MRPS10: variants seen among roughly 807,000 people sequenced by gnomAD.
MRPS10 encodes the protein small ribosomal subunit protein uS10m.
MRPS10 carries 23 observed loss-of-function variants against 27.5 expected under a neutral mutation model. The observed-to-expected ratio is 0.84, with a 90% CI of 0.60 to 1.18. The LOEUF (loss-of-function observed/expected upper bound fraction) is 1.18, where lower values mean the gene tolerates loss of function less well. MRPS10 is among the 50% of genes most tolerant of loss of function. The pLI is 0.00. For missense variants in MRPS10, 237 were observed against 240.1 expected (o/e 0.99, Z 0.09); for synonymous variants, 88 against 84.2 (o/e 1.04, Z -0.25).
chr6:42,217,216 T>C (rs113767052), intron 1 of MRPS10, among the ~76,000 whole-genome samples: 2,343 of 152,266 alleles, frequency 0.015, 57 homozygotes, highest in African/African-American at 0.051. Flanking sequence ...AAGCTAAATA[T>C]AGATAGCAAA....
intron 3 of MRPS10, 66 bp downstream of exon 3, chr6:42,214,054 A>T: frequency 7.2e-7 from 1 of 1,389,700 alleles, no homozygotes; most frequent in Non-Finnish European, 9.9e-7. Flanking sequence ...AAAAAAACCC[A>T]ATGAAATAAT....
intron 1 of MRPS10, among the ~76,000 whole-genome samples, chr6:42,216,385 A>AGAGTGTGTGTGTGTGTGTGTGTGT: frequency 1.5e-4 from 9 of 58,690 alleles, no homozygotes; most frequent in African/African-American, 4.0e-4. Context: ...AGAGAGAGAG[A>AGAGTGTGTGTGTGTGTGTGTGTGT]GTGTGTGTGT....
chr6:42,209,179 G>T (rs1582346929), intron 5 of MRPS10, among the ~76,000 whole-genome samples: 1 of 148,396 alleles, frequency 6.7e-6, no homozygotes. Context: ...TGTATTTTTA[G>T]TAGAGACGGG....
Position 42,214,321 on chromosome 6 carries a change from G to A in MRPS10, c.72C>T (p.Asn24=), listed in dbSNP as rs766212535. The change falls in exon 2 of 7, where the codon AAC becomes AAT. Residue 24 remains asparagine, a synonymous_variant. Transcript: ENST00000053468. The stretch of plus-strand genomic sequence containing the variant: ...TTTTGGCTGTATTGCCCTTAGAAGT[G>A]TTTACAGAAAAATTCCCCAATCCCT... ...LWQGLGNFSV[N]TSKGNTAKNG... is the part of the protein sequence containing the mutation. 1 of 1,610,352 alleles carries A rather than the reference G, an allele frequency of 6.2e-7. No individual in the cohort carries two copies. The highest frequency in any genetic ancestry group is 8.5e-7 in the Non-Finnish European group (1 of 1,178,038).
rs1189382759 is a variant in MRPS10, at chr6:42,207,628, T to C, written c.*661A>G. The C allele has an allele frequency of 6.6e-6, 1 of 152,216 alleles. No homozygotes were observed. Among genetic ancestry groups the C allele is most frequent in the East Asian group, 1.9e-4 (1 of 5,198 alleles). 9.4% of individuals were successfully genotyped at this position (152,216 alleles called of 1,614,324 possible). On this transcript the variant is annotated 3_prime_UTR_variant, in exon 7 of 7. Coordinates refer to ENST00000053468, the MANE Select transcript of MRPS10 (RefSeq NM_018141.4). ...AAAAGCTTATTGAATGAATGAATCA[T>C]AGGATAAATAATACAACTAGTAATT... is the stretch of plus-strand genomic sequence containing the variant.
intron 5 of MRPS10, 90 bp from the exon 6 acceptor site, chr6:42,209,037 T>G: frequency 1.2e-6 from 1 of 805,968 alleles, no homozygotes; most frequent in Non-Finnish European, 2.0e-6. Context: ...TCTCACTCTG[T>G]TGCCTGGGCT....
At chr6:42,215,389 G>A (rs919776577) in intron 1 of MRPS10, among the ~76,000 whole-genome samples, 3 of 114,794 alleles carry the variant, frequency 2.6e-5, no homozygotes, top group African/African-American at 9.9e-5. Context: ...TAGCATAAGT[G>A]AAGTTTCATT....
rs1312879994 is a variant in MRPS10 at position 42,217,845 on chromosome 6, G to A, written c.5C>T (p.Ala2Val). 11 of 1,613,938 alleles carry A rather than the reference G, an allele frequency of 6.8e-6. No homozygotes were observed. Among genetic ancestry groups the A allele is most frequent in the South Asian group, 1.1e-5 (1 of 91,054 alleles). The change falls in exon 1 of 7, where the codon GCG becomes GTG. Residue 2 changes from alanine (A) to valine (V), a missense_variant. Around this residue, in one of 3 missense-constraint regions of MRPS10, gnomAD observed 164 missense variants for 137.8 expected, o/e 1.19. Transcript: ENST00000053468. M[A>V]ARTAFGAVCR... ...CACAGCACCGAACGCTGTCCGCGCC[G>A]CCATCTTGCCGGTCCCGACCTCTCA...
chr6:42,212,587 AC>A (rs1358452995), intron 3 of MRPS10, among the ~76,000 whole-genome samples: 2 of 152,168 alleles, frequency 1.3e-5, no homozygotes, highest in Non-Finnish European at 2.9e-5. Context: ...CCACCCTAAT[AC>A]CTAAAGACCT....
chr6:42,211,543 T>C lies in MRPS10; in HGVS notation c.323+238A>G, dbSNP rs370876094. Among the ~76,000 whole-genome samples, 4 of 152,058 alleles carry C rather than the reference T, an allele frequency of 2.6e-5. No homozygotes were observed. The East Asian group carries it at 7.7e-4, about 29-fold the overall frequency. ...TAAAATACAAAAAATTAGCCAGGCGTGGTGGCATGCGCCTGTAGTCCCAGC... is the reference window on the plus strand; with the variant it reads ...TAAAATACAAAAAATTAGCCAGGCGCGGTGGCATGCGCCTGTAGTCCCAGC... On this transcript the variant is annotated intron_variant, in intron 4 of 6. Coordinates refer to ENST00000053468, the MANE Select transcript of MRPS10 (RefSeq NM_018141.4).
At chr6:42,216,321 C>G in intron 1 of MRPS10, among the ~76,000 whole-genome samples, 1 of 145,242 alleles carries the variant, frequency 6.9e-6, no homozygotes, top group East Asian at 2.1e-4. Flanking sequence ...CGTGCCCGGC[C>G]AAGAAGTTTT....
intron 1 of MRPS10, among the ~76,000 whole-genome samples, chr6:42,216,016 T>C (rs1158772651): frequency 1.6e-4 from 5 of 30,998 alleles, no homozygotes; most frequent in Non-Finnish European, 3.3e-4. Context: ...TTTTCTTTTT[T>C]TTTTCTTTTC....
Position 42,216,385 on chromosome 6 carries a change from A to AGAGAGTGTGTGTGTGTGTGTGT in MRPS10, c.48+1416_48+1417insACACACACACACACACACTCTC. ...GAGAGAGAGAGAGAGAGAGAGAGAG[A>AGAGAGTGTGTGTGTGTGTGTGT]GTGTGTGTGTGTGTGTGTGTGTGTG... On this transcript the variant is annotated intron_variant, in intron 1 of 6. Transcript: ENST00000053468. Among the ~76,000 whole-genome samples the AGAGAGTGTGTGTGTGTGTGTGT allele has an allele frequency of 5.2e-3, 305 of 58,654 alleles. 6 individuals carry two copies. The highest frequency in any genetic ancestry group is 0.013 in the African/African-American group (281 of 22,452). 38.5% of individuals were successfully genotyped at this position (58,654 alleles called of 152,430 possible).
At chr6:42,211,738 A>T (rs746769755) in intron 4 of MRPS10, 43 bp downstream of exon 4, 1 of 1,576,520 alleles carries the variant, frequency 6.3e-7, no homozygotes. Flanking sequence ...GGTTGATCAT[A>T]TTACAGCAGC....
At chr6:42,214,637 GA>G (rs3215606) in intron 1 of MRPS10, among the ~76,000 whole-genome samples, 81,496 of 151,936 alleles carry the variant, frequency 0.54, 24,124 homozygotes, top group East Asian at 0.83. Flanking sequence ...TGGACATCAA[GA>G]AAAAATGTGA....
Position 42,207,040 on chromosome 6 carries a change from G to A in MRPS10, c.*1249C>T, listed in dbSNP as rs1389753891. ...TAAAAAGAAAATGAAGCACTTCTCT[G>A]GGGTTGCTATACCAACTGTTTCAGC... On this transcript the variant is annotated 3_prime_UTR_variant, in exon 7 of 7. Transcript: ENST00000053468. 1 of 152,138 alleles carries A rather than the reference G, an allele frequency of 6.6e-6. No individual in the cohort carries two copies. The highest frequency in any genetic ancestry group is 1.5e-5 in the Non-Finnish European group (1 of 68,028). The allele number at this position is 152,138 out of a possible 1,614,324, so 9.4% of individuals were successfully genotyped here.
intron 3 of MRPS10, among the ~76,000 whole-genome samples, chr6:42,213,448 A>AAAAT (rs921279339): frequency 3.3e-5 from 5 of 152,276 alleles, no homozygotes; most frequent in South Asian, 2.1e-4. Context: ...ACTCTGTCTC[A>AAAAT]AAATAAATAA....
At chr6:42,209,217 C>A (rs551310861) in intron 5 of MRPS10, among the ~76,000 whole-genome samples, 28 of 151,384 alleles carry the variant, frequency 1.8e-4, no homozygotes, top group African/African-American at 6.8e-4. Flanking sequence ...AGGCTGGCCT[C>A]AAACTCCTGA....
Position 42,208,282 on chromosome 6 carries a change from T to C in MRPS10, c.*7A>G. 6.2e-7 allele frequency: 1 copy of C among 1,608,072 alleles called. No individual in the cohort carries two copies. ...CAAATTTAGGCAAAAATGGCCTCCC[T>C]GAGGCTTTATGACTTGCTTTCTTCT... On this transcript the variant is annotated 3_prime_UTR_variant, in exon 7 of 7. Transcript: ENST00000053468.
Sources: allele counts gnomAD v4.1 joint callset (sites outside exome capture counted in the v4.1 genomes callset), GRCh38; gene constraint gnomAD v4.1.1; regional missense constraint gnomAD v4.1.1; transcripts MANE v1.5; gene names NCBI Gene and HGNC (gene_info 2026-07-23, HGNC 2026-07-21).